LSS: variants seen among roughly 807,000 people sequenced by gnomAD.
The protein encoded by LSS is lanosterol synthase.
A neutral mutation model predicts 110.3 loss-of-function variants in LSS; 90 were observed. The ratio of observed to expected loss-of-function variants is 0.82; its 90% CI spans 0.69 to 0.97. LSS has a LOEUF of 0.97. Ranked by LOEUF, LSS falls within the 50% of genes least tolerant of loss-of-function variation. LSS has a pLI of 0.00. For missense variants in LSS, 927 were observed against 990.0 expected (o/e 0.94, Z 0.85); for synonymous variants, 433 against 400.0 (o/e 1.08, Z -0.98).
rs755975516 is a variant in LSS, at chr21:46,211,556, G to A, written c.1138-812C>T. Among the ~76,000 whole-genome samples, 7 of 152,154 alleles carry A rather than the reference G, an allele frequency of 4.6e-5. No homozygotes were observed. In the South Asian group the frequency reaches 6.2e-4, roughly 14 times the overall value. On this transcript the variant is annotated intron_variant, in intron 11 of 21. Transcript: ENST00000397728. ...CAGCCTGGTCTCAGTTCAAAGGGCCGGTGACCAAACCCTAGTGAGACAGAG... is the reference window on the plus strand; with the variant it reads ...CAGCCTGGTCTCAGTTCAAAGGGCCAGTGACCAAACCCTAGTGAGACAGAG...
At chr21:46,225,316 C>G (rs941667939) in intron 3 of LSS, 15 of 444,254 alleles carry the variant, frequency 3.4e-5, no homozygotes, top group Non-Finnish European at 5.9e-5. Flanking sequence ...CGGACAAGGC[C>G]ACTAGAGGGC....
intron 11 of LSS, among the ~76,000 whole-genome samples, chr21:46,210,953 G>A (rs923873539): frequency 6.6e-6 from 1 of 152,190 alleles, no homozygotes. Flanking sequence ...ACGTCGGGGA[G>A]ACTCAGGGAG....
Position 46,228,727 on chromosome 21 carries a change from C to T in LSS, c.14+5G>A. 6.2e-7 allele frequency: 1 copy of T among 1,601,368 alleles called. No individual in the cohort carries two copies. Among genetic ancestry groups the T allele is most frequent in the Non-Finnish European group, 8.5e-7 (1 of 1,178,944 alleles). ...TCGTCAGGAGCCCGGGGCGAGGGGACTCACGTGCCCTCCGTCATTGCTGCT... is the reference window on the plus strand; with the variant it reads ...TCGTCAGGAGCCCGGGGCGAGGGGATTCACGTGCCCTCCGTCATTGCTGCT... On this transcript the variant is annotated splice_donor_5th_base_variant and intron_variant, in intron 1 of 21. Transcript: ENST00000397728.
Position 46,221,907 on chromosome 21 carries a change from A to G in LSS, c.497T>C (p.Val166Ala). The G allele has an allele frequency of 6.2e-7, 1 of 1,614,168 alleles. No individual in the cohort carries two copies. The highest frequency in any genetic ancestry group is 8.5e-7 in the Non-Finnish European group (1 of 1,180,018). Residue 166 changes from valine to alanine, a missense_variant, in exon 5 of 22, where the codon GTT (valine) becomes GCT (alanine). Physicochemically the swap from Val to Ala is moderately conservative, Grantham distance 64. Transcript: ENST00000397728. Reference protein sequence around the residue: ...LNYVSLRILGVGPDDPDLVRA... With the variant: ...LNYVSLRILGAGPDDPDLVRA... ...TACCAGGTCAGGATCGTCAGGCCCA[A>G]CACCCAGAATTCTGAGAGACACATA...
Position 46,210,759 on chromosome 21 carries a change from T to C in LSS, c.1138-15A>G. On this transcript the variant is annotated splice_polypyrimidine_tract_variant and intron_variant, in intron 11 of 21. Transcript: ENST00000397728. ...CCGTTGGTGCCCTACACACAAAGGA[T>C]GGTGTTACAGCAGCAGATGCAGCCC... 2 of 1,613,456 alleles carry C rather than the reference T, an allele frequency of 1.2e-6. No homozygotes were observed. The highest frequency in any genetic ancestry group is 1.7e-6 in the Non-Finnish European group (2 of 1,179,648).
In LSS at chr21:46,209,685, C is replaced by T; in HGVS notation, c.1195-60G>A. On this transcript the variant is annotated intron_variant, in intron 12 of 21. Coordinates refer to ENST00000397728, the MANE Select transcript of LSS (RefSeq NM_002340.6). The surrounding 1 kb of genome is among the most constrained non-coding windows in gnomAD (Gnocchi z 4.4). ...CCCTTGCACGGCCAGCATGGCTGCG[C>T]TGGTTTCCCGATGGTCCTGGCCACA... The T allele has an allele frequency of 4.1e-6, 6 of 1,478,480 alleles. No homozygotes were observed. Among genetic ancestry groups the T allele is most frequent in the Non-Finnish European group, 5.6e-6 (6 of 1,074,722 alleles). 91.6% of individuals were successfully genotyped at this position (1,478,480 alleles called of 1,614,324 possible).
chr21:46,226,448 C>T (rs1013729444), intron 3 of LSS, among the ~76,000 whole-genome samples: 1 of 152,228 alleles, frequency 6.6e-6, no homozygotes, highest in Admixed American at 6.5e-5. Context: ...CTTGACTTCC[C>T]CTAAGGACAG....
In LSS at chr21:46,215,689, T is replaced by C. The variant is rs1269015640; in HGVS notation, c.888A>G (p.Val296=). The C allele has an allele frequency of 6.8e-6, 11 of 1,608,828 alleles. No homozygotes were observed. Among genetic ancestry groups the C allele is most frequent in the South Asian group, 1.1e-5 (1 of 90,580 alleles). Residue 296 remains valine, a synonymous_variant, in exon 8 of 22, where the codon GTA becomes GTG. Coordinates refer to ENST00000397728, the MANE Select transcript of LSS (RefSeq NM_002340.6). The part of the protein sequence containing the change: ...YTPHSWLLRV[V]YALLNLYEHH... ...GGCCCCTCAGGAGGCGCTCACCATA[T>C]ACCACGCGGAGCAGCCAGCTGTGCG...
At chr21:46,218,287 C>G (rs940094133) in intron 6 of LSS, among the ~76,000 whole-genome samples, 3 of 152,158 alleles carry the variant, frequency 2.0e-5, no homozygotes, top group Non-Finnish European at 2.9e-5. Flanking sequence ...CGAGTGTTTT[C>G]TGGGGAGATG....
At chr21:46,213,285 C>T (rs978485037) in intron 10 of LSS, among the ~76,000 whole-genome samples, 60 of 152,202 alleles carry the variant, frequency 3.9e-4, no homozygotes, top group Non-Finnish European at 6.8e-4. Flanking sequence ...CAAGGGGCAG[C>T]GGGAGGCTCC....
chr21:46,216,419 C>T lies in LSS; in HGVS notation c.753G>A (p.Ala251=), dbSNP rs759797612. 12 of 1,613,854 alleles carry T rather than the reference C, an allele frequency of 7.4e-6. No homozygotes were observed. The highest frequency in any genetic ancestry group is 5.0e-5 in the Admixed American group (3 of 60,022). Residue 251 remains alanine, a synonymous_variant, in exon 7 of 22, where the codon GCG becomes GCA. Transcript: ENST00000397728. This position sits in a 1 kb window ranked among gnomAD's most constrained non-coding sequence, Gnocchi z 4.2. The part of the protein sequence containing the change: ...SYCYAVRLSA[A]EDPLVQSLRQ... ...GGAGGCTCTGGACCAGCGGGTCTTC[C>T]GCGGCACTCAGCCGAACGGCGTAGC...
chr21:46,208,264 C>A lies in LSS; in HGVS notation c.1304G>T (p.Arg435Leu), dbSNP rs372724721. 85 of 1,552,360 alleles carry A rather than the reference C, an allele frequency of 5.5e-5. No homozygotes were observed. The highest frequency in any genetic ancestry group is 6.8e-5 in the Non-Finnish European group (78 of 1,147,492). ...GCTCCCGCATACCTTGCGCATCTGGCGGTAGTACTTCTGGTAGTCGGGAGG... is the reference window on the plus strand; with the variant it reads ...GCTCCCGCATACCTTGCGCATCTGGAGGTAGTACTTCTGGTAGTCGGGAGG... ...DNPPDYQKYY[R>L]QMRKGGFSFS... The change falls in exon 14 of 22, where the codon CGC (arginine) becomes CTC (leucine). Residue 435 changes from arginine to leucine, a missense_variant. Physicochemically the swap from Arg to Leu is moderately radical, Grantham distance 102. Coordinates refer to ENST00000397728, the MANE Select transcript of LSS (RefSeq NM_002340.6).
chr21:46,196,462 C>G (rs1255790216), intron 17 of LSS, 195 bp from the exon 18 acceptor site: 2 of 582,322 alleles, frequency 3.4e-6, no homozygotes, highest in Non-Finnish European at 6.1e-6. Context: ...AGCGGATTGG[C>G]AGAGTCTGAG....
At position 46,222,638 on chromosome 21, in the gene LSS, G is replaced by A. The variant is rs2080291843; in HGVS notation, c.420C>T (p.Gly140=). 1 of 1,613,064 alleles carries A rather than the reference G, an allele frequency of 6.2e-7. No individual in the cohort carries two copies. Among genetic ancestry groups the A allele is most frequent in the African/African-American group, 1.3e-5 (1 of 74,932 alleles). The change falls in exon 4 of 22, where the codon GGC becomes GGT. Residue 140 remains glycine (G), a synonymous_variant. Transcript: ENST00000397728. ...YLRSVQLPDG[G]WGLHIEDKST... ...GGGGCAGGCACACTCACAGGCCCCA[G>A]CCACCGTCAGGGAGCTGCACTGACC...
intron 17 of LSS, among the ~76,000 whole-genome samples, chr21:46,202,023 T>C (rs1275559399): frequency 1.1e-4 from 17 of 149,592 alleles, no homozygotes; most frequent in Non-Finnish European, 1.3e-4. Context: ...CTCGATCTCC[T>C]GACCTTGTGA....
chr21:46,199,009 AACATGATACAT>A (rs1479795306), intron 17 of LSS, among the ~76,000 whole-genome samples: 1 of 152,124 alleles, frequency 6.6e-6, no homozygotes, highest in Non-Finnish European at 1.5e-5. Flanking sequence ...CAACACCAAA[AACATGATACAT>A]GAAAGAGAAC....
chr21:46,226,928 T>G (rs1231773714), intron 3 of LSS, among the ~76,000 whole-genome samples: 2 of 152,218 alleles, frequency 1.3e-5, no homozygotes, highest in African/African-American at 4.8e-5. Context: ...CCTATTTATG[T>G]AGGAATTCAC....
intron 5 of LSS, among the ~76,000 whole-genome samples, chr21:46,220,056 C>T (rs1327732018): frequency 6.6e-6 from 1 of 152,208 alleles, no homozygotes; most frequent in Non-Finnish European, 1.5e-5. Flanking sequence ...ACAAAGACGA[C>T]CCTAGACTCC....
chr21:46,194,409 C>T, intron 20 of LSS, 82 bp downstream of exon 20: 1 of 1,542,088 alleles, frequency 6.5e-7, no homozygotes, highest in Admixed American at 1.9e-5. Context: ...TCTACATTCA[C>T]TCAGCCCAGG....
Sources: allele counts gnomAD v4.1 joint callset (sites outside exome capture counted in the v4.1 genomes callset), GRCh38; gene constraint gnomAD v4.1.1; non-coding constraint Gnocchi (gnomAD v3.1); transcripts MANE v1.5; gene names NCBI Gene and HGNC (gene_info 2026-07-23, HGNC 2026-07-21).